ASIC2: variants seen among roughly 807,000 people sequenced by gnomAD.
The protein encoded by ASIC2 is acid sensing ion channel subunit 2.
Under a neutral mutation model 57.3 loss-of-function variants are expected in ASIC2, and 25 were observed. The observed-to-expected ratio is 0.44, with a 90% CI of 0.32 to 0.61. The LOEUF is 0.61. Among genes scored for constraint, ASIC2 ranks in the 20% least tolerant of loss-of-function variants. The pLI is 0.06. For missense variants in ASIC2, 641 were observed against 738.1 expected, an observed-to-expected ratio of 0.87 and a Z score of 1.52; for synonymous variants, 319 against 307.5, an observed-to-expected ratio of 1.04 and a Z score of -0.39.
chr17:33,669,260 G>A (rs1042202088), intron 1 of ASIC2, among the ~76,000 whole-genome samples: 10 of 152,124 alleles, frequency 6.6e-5, no homozygotes, highest in African/African-American at 2.4e-4. Flanking sequence ...CGTTTCATTG[G>A]AACAAAGCAG....
chr17:33,080,788 A>AGT (rs997133289), intron 3 of ASIC2, among the ~76,000 whole-genome samples: 2 of 152,184 alleles, frequency 1.3e-5, no homozygotes, highest in African/African-American at 4.8e-5. Context: ...GCAGGCGGGC[A>AGT]GTGTATGTAT....
chr17:33,545,025 A>G (rs1915535823), intron 1 of ASIC2, among the ~76,000 whole-genome samples: 4 of 152,070 alleles, frequency 2.6e-5, no homozygotes, highest in Admixed American at 2.0e-4. Context: ...CATATTTTAC[A>G]CCCCTCTACC....
At chr17:33,026,110 G>A (rs2091858390) in intron 4 of ASIC2, 128 bp from the exon 5 acceptor site, 1 of 930,348 alleles carries the variant, frequency 1.1e-6, no homozygotes. Flanking sequence ...CTGCCAGTGG[G>A]CAGTTCGAAG....
At chr17:34,154,003 A>G (rs1351589936) in intron 1 of ASIC2, among the ~76,000 whole-genome samples, 2 of 152,200 alleles carry the variant, frequency 1.3e-5, no homozygotes, top group Admixed American at 6.5e-5. Flanking sequence ...TTTACTTCTA[A>G]ATGGAACTTA....
intron 1 of ASIC2, among the ~76,000 whole-genome samples, chr17:34,153,687 A>G (rs548631516): frequency 3.3e-5 from 5 of 152,202 alleles, no homozygotes; most frequent in Non-Finnish European, 4.4e-5. Flanking sequence ...ATACTCCCTG[A>G]ACAACTTGAA....
At chr17:33,698,606 A>C (rs951688190) in intron 1 of ASIC2, among the ~76,000 whole-genome samples, 4 of 152,164 alleles carry the variant, frequency 2.6e-5, no homozygotes, top group African/African-American at 7.2e-5. Context: ...CCACTGCAAA[A>C]CATCACTGGT....
intron 2 of ASIC2, among the ~76,000 whole-genome samples, chr17:33,110,053 G>C (rs1422273549): frequency 6.6e-6 from 1 of 151,092 alleles, no homozygotes; most frequent in Admixed American, 6.6e-5. Context: ...GTGTGTCTGT[G>C]TGTGTGTGTG....
At chr17:33,325,454 A>G (rs1907037173) in intron 1 of ASIC2, among the ~76,000 whole-genome samples, 1 of 152,116 alleles carries the variant, frequency 6.6e-6, no homozygotes, top group Admixed American at 6.5e-5. Flanking sequence ...CAGAAAGGAC[A>G]ATGGTGTTCA....
intron 1 of ASIC2, among the ~76,000 whole-genome samples, chr17:33,408,121 G>A (rs980087354): frequency 2.2e-4 from 33 of 152,172 alleles, no homozygotes; most frequent in Admixed American, 9.8e-4. Context: ...TCAGATCCTG[G>A]GCAGAGTTTG....
chr17:33,021,291 C>A lies in ASIC2; in HGVS notation c.1369G>T (p.Asp457Tyr). Residue 457 changes from aspartate (D) to tyrosine (Y), a missense_variant, in exon 7 of 10, where the codon GAT (aspartate) becomes TAT (tyrosine). Coordinates refer to ENST00000225823, the MANE Select transcript of ASIC2 (RefSeq NM_183377.2). ...TAATTGAGAGCTTCAAAAAATATAT[C>A]CAGAACAAGGATGTTCTCTCTGCAG... is the stretch of plus-strand genomic sequence containing the variant. ...KYISENILVL[D>Y]IFFEALNYET... 1.2e-6 allele frequency: 2 copies of A among 1,611,794 alleles called. No individual in the cohort carries two copies. Among genetic ancestry groups the A allele is most frequent in the Non-Finnish European group, 1.7e-6 (2 of 1,179,472 alleles).
chr17:33,268,904 C>T (rs1356002171), intron 1 of ASIC2, among the ~76,000 whole-genome samples: 1 of 152,186 alleles, frequency 6.6e-6, no homozygotes, highest in Non-Finnish European at 1.5e-5. Context: ...TTTCCTCCAG[C>T]CCACACTTCC....
intron 1 of ASIC2, among the ~76,000 whole-genome samples, chr17:33,338,873 T>C (rs1907625470): frequency 6.6e-6 from 1 of 152,170 alleles, no homozygotes. Context: ...ATGTAGCATC[T>C]AGAGTAGTTG....
In ASIC2 at chr17:33,555,758, A is replaced by G. The variant is rs538245265; in HGVS notation, c.556-443691T>C. ...TCCAGGAGGATGTCAGCAGTCAGGA[A>G]TTCAAAGCAATCATGGAAAGAACTC... is the stretch of plus-strand genomic sequence containing the variant. On this transcript the variant is annotated intron_variant, in intron 1 of 9. Transcript: ENST00000359872. Among the ~76,000 whole-genome samples the G allele has an allele frequency of 3.3e-5, 5 of 152,280 alleles. No individual in the cohort carries two copies. The East Asian group carries it at 9.7e-4, about 29-fold the overall frequency.
At chr17:33,038,748 G>A (rs934132665) in intron 3 of ASIC2, among the ~76,000 whole-genome samples, 39 of 152,250 alleles carry the variant, frequency 2.6e-4, no homozygotes, top group African/African-American at 8.9e-4. Flanking sequence ...ATTTTGTAGA[G>A]AGAAGCTGAT....
Position 34,051,490 on chromosome 17 carries a change from C to T in ASIC2, c.555+104488G>A, listed in dbSNP as rs1482822870. On this transcript the variant is annotated intron_variant, in intron 1 of 9. Transcript: ENST00000359872. ...GAGTAGAAAATGTGTATGAAATTGC[C>T]TTATTAATTGCAAAGATAAGTCAGG... Among the ~76,000 whole-genome samples the T allele has an allele frequency of 9.2e-5, 14 of 152,288 alleles. No individual in the cohort carries two copies. The East Asian group carries it at 2.3e-3, about 25-fold the overall frequency.
chr17:33,591,900 C>T (rs1307914750), intron 1 of ASIC2, among the ~76,000 whole-genome samples: 1 of 152,194 alleles, frequency 6.6e-6, no homozygotes, highest in Non-Finnish European at 1.5e-5. Flanking sequence ...CAAGAATCCT[C>T]ATCTCAGGGT....
At chr17:33,942,590 T>G (rs1597941365) in intron 1 of ASIC2, among the ~76,000 whole-genome samples, 1 of 152,116 alleles carries the variant, frequency 6.6e-6, no homozygotes, top group African/African-American at 2.4e-5. Context: ...GCACACGAAG[T>G]CACTGATTAA....
At chr17:33,932,741 A>AAAAAATATATATATATAT (rs1555572867) in intron 1 of ASIC2, 12 of 58,690 alleles carry the variant, frequency 2.0e-4, no homozygotes, top group East Asian at 8.4e-4. Context: ...AAAAAAAAAA[A>AAAAAATATATATATATAT]ATATATATAT....
intron 1 of ASIC2, among the ~76,000 whole-genome samples, chr17:33,717,813 G>A (rs969317187): frequency 9.2e-5 from 14 of 152,222 alleles, no homozygotes; most frequent in South Asian, 2.1e-4. Flanking sequence ...AAGGGATGGC[G>A]TGAGAGTTAA....
Sources: allele counts gnomAD v4.1 joint callset (sites outside exome capture counted in the v4.1 genomes callset), GRCh38; gene constraint gnomAD v4.1.1; transcripts MANE v1.5; gene names NCBI Gene and HGNC (gene_info 2026-07-23, HGNC 2026-07-21).